MRPS35: variants seen among roughly 807,000 people sequenced by gnomAD.
MRPS35 encodes the protein small ribosomal subunit protein mS35.
In MRPS35, 29 loss-of-function variants were observed where a neutral mutation model predicts 32.7. That is an observed-to-expected ratio of 0.89 (90% CI 0.66 to 1.21). The LOEUF is 1.21. Among genes scored for constraint, MRPS35 ranks in the 50% most tolerant of loss-of-function variants. The pLI is 0.00. For missense variants in MRPS35, 373 were observed against 383.8 expected (o/e 0.97, Z 0.23); for synonymous variants, 148 against 139.3 (o/e 1.06, Z -0.44).
intron 6 of MRPS35, among the ~76,000 whole-genome samples, chr12:27,736,580 A>G (rs2061944116): frequency 6.6e-6 from 1 of 152,070 alleles, no homozygotes; most frequent in East Asian, 1.9e-4. Flanking sequence ...GAGGACTTAA[A>G]TAAATATAAG....
Position 27,737,592 on chromosome 12 carries a change from T to C in MRPS35, c.686T>C (p.Leu229Ser). 6.2e-7 allele frequency: 1 copy of C among 1,610,110 alleles called. No individual in the cohort carries two copies. The highest frequency in any genetic ancestry group is 1.3e-5 in the African/African-American group (1 of 74,950). Residue 229 changes from leucine (L) to serine (S), a missense_variant, in exon 7 of 8, where the codon TTA becomes TCA. By Grantham distance (145) the Leu-to-Ser change is moderately radical (BLOSUM62 -2). Coordinates refer to ENST00000081029, the MANE Select transcript of MRPS35 (RefSeq NM_021821.4). Reference protein sequence around the residue: ...YDYAVYLLTVLYHESWNTEEW... With the variant: ...YDYAVYLLTVSYHESWNTEEW... ...TATGCAGTGTATCTACTAACAGTGT[T>C]ATACCATGAGTCTTGGGTAAGTGTG...
intron 6 of MRPS35, among the ~76,000 whole-genome samples, chr12:27,736,947 G>T (rs905786351): frequency 1.3e-5 from 2 of 152,182 alleles, no homozygotes; most frequent in Non-Finnish European, 2.9e-5. Flanking sequence ...CACAGTCATA[G>T]CTCACTGAAG....
intron 5 of MRPS35, among the ~76,000 whole-genome samples, chr12:27,732,987 G>GATATATAT (rs56932909): frequency 1.7e-5 from 2 of 120,630 alleles, no homozygotes; most frequent in African/African-American, 3.3e-5. Flanking sequence ...GTCATTTGAA[G>GATATATAT]ATATATATAT....
intron 4 of MRPS35, among the ~76,000 whole-genome samples, chr12:27,721,387 G>A (rs1477680712): frequency 6.6e-6 from 1 of 152,182 alleles, no homozygotes; most frequent in Non-Finnish European, 1.5e-5. Context: ...GCTGGGCATG[G>A]TGCCTCACAC....
intron 7 of MRPS35, among the ~76,000 whole-genome samples, chr12:27,752,111 G>A (rs1357519688): frequency 1.3e-5 from 2 of 152,076 alleles, no homozygotes; most frequent in Non-Finnish European, 2.9e-5. Context: ...AGCTGGGCAT[G>A]ATAGCGTGCA....
intron 4 of MRPS35, among the ~76,000 whole-genome samples, chr12:27,722,219 C>T (rs1489569281): frequency 6.6e-6 from 1 of 151,996 alleles, no homozygotes; most frequent in African/African-American, 2.4e-5. Context: ...AGTACTTCTT[C>T]TCAGTTTTCT....
intron 5 of MRPS35, among the ~76,000 whole-genome samples, chr12:27,732,039 A>G (rs1353143901): frequency 6.6e-6 from 1 of 152,246 alleles, no homozygotes; most frequent in Non-Finnish European, 1.5e-5. Context: ...AAGAAAAAAA[A>G]GAATTGAAAG....
chr12:27,726,042 T>G (rs7969297), intron 5 of MRPS35, among the ~76,000 whole-genome samples: 2 of 151,870 alleles, frequency 1.3e-5, no homozygotes, highest in African/African-American at 4.8e-5. Flanking sequence ...ATTCCTGGAC[T>G]CAGGCGATCT....
rs748567908 is a variant in MRPS35, at chr12:27,710,955, C to G, written c.112C>G (p.Pro38Ala). ...SATPVPTPSL[P>A]ERTPGNERPP... ...CACTCCGGTCCCGACACCTAGCCTG[C>G]GTGAGTGTCTGTCTCGTCTTCTCTG... Residue 38 changes from proline to alanine, a missense_variant and splice_region_variant, in exon 1 of 8, where the codon CCG becomes GCG. Pro to Ala is a conservative substitution (Grantham distance 27). Transcript: ENST00000081029. The G allele has an allele frequency of 6.2e-7, 1 of 1,610,440 alleles. No individual in the cohort carries two copies. The highest frequency in any genetic ancestry group is 8.5e-7 in the Non-Finnish European group (1 of 1,177,912).
At chr12:27,747,595 C>T (rs1381805500) in intron 7 of MRPS35, among the ~76,000 whole-genome samples, 1 of 152,022 alleles carries the variant, frequency 6.6e-6, no homozygotes, top group East Asian at 1.9e-4. Context: ...AATGGTTAAA[C>T]TGTTTTCTCT....
chr12:27,733,231 G>A (rs939346382), intron 5 of MRPS35, among the ~76,000 whole-genome samples: 18 of 152,064 alleles, frequency 1.2e-4, no homozygotes, highest in Admixed American at 6.6e-4. Flanking sequence ...ATGTTGCAGT[G>A]CCTTTGAGTG....
At chr12:27,737,752 C>CTG in intron 7 of MRPS35, 144 bp downstream of exon 7, 1 of 617,644 alleles carries the variant, frequency 1.6e-6, no homozygotes, top group South Asian at 2.2e-5. Flanking sequence ...TCATAGGTAG[C>CTG]TTCTACTGAC....
intron 7 of MRPS35, among the ~76,000 whole-genome samples, chr12:27,746,114 G>A (rs1465972317): frequency 2.6e-5 from 4 of 152,190 alleles, no homozygotes; most frequent in African/African-American, 9.7e-5. Flanking sequence ...AGAATCTCTA[G>A]CTGTGAGACC....
intron 5 of MRPS35, among the ~76,000 whole-genome samples, chr12:27,733,291 AT>A (rs2061930119): frequency 6.6e-6 from 1 of 152,018 alleles, no homozygotes; most frequent in South Asian, 2.1e-4. Context: ...AATATTTATG[AT>A]TTTTGGCATA....
At chr12:27,745,274 G>T (rs2061978375) in intron 7 of MRPS35, among the ~76,000 whole-genome samples, 1 of 152,134 alleles carries the variant, frequency 6.6e-6, no homozygotes, top group Non-Finnish European at 1.5e-5. Flanking sequence ...TATACACTGA[G>T]AAATTAAGAT....
chr12:27,711,047 G>T (rs1303434207), intron 1 of MRPS35, 92 bp downstream of exon 1: 41 of 1,207,486 alleles, frequency 3.4e-5, no homozygotes, highest in Non-Finnish European at 4.8e-5. Context: ...CTGAGCCAGC[G>T]CCGCCCGGGG....
At chr12:27,755,134 T>A (rs1298242104) in intron 7 of MRPS35, 47 bp from the exon 8 acceptor site, 1 of 1,464,592 alleles carries the variant, frequency 6.8e-7, no homozygotes, top group African/African-American at 1.4e-5. Flanking sequence ...ACATTTGATA[T>A]TTCTCAGAAT....
At chr12:27,736,841 A>T (rs901460509) in intron 6 of MRPS35, among the ~76,000 whole-genome samples, 16 of 152,148 alleles carry the variant, frequency 1.1e-4, no homozygotes, top group African/African-American at 3.9e-4. Context: ...AACCAAGATT[A>T]ACATCTATCA....
chr12:27,741,210 GT>G (rs1476406669), intron 7 of MRPS35, among the ~76,000 whole-genome samples: 1 of 151,992 alleles, frequency 6.6e-6, no homozygotes, highest in African/African-American at 2.4e-5. Context: ...AGCAAGGAGA[GT>G]TGTAGAGATT....
Sources: gnomAD v4.1 joint callset for allele counts (sites outside exome capture counted in the v4.1 genomes callset) on GRCh38, gnomAD v4.1.1 for gene constraint, MANE v1.5 for transcripts, NCBI Gene and HGNC (gene_info 2026-07-23, HGNC 2026-07-21) for gene names.